Variants in AKAP13 observed in about 807,000 individuals in gnomAD.
AKAP13 encodes A-kinase anchoring protein 13.
In AKAP13, 80 loss-of-function variants were observed where a neutral mutation model predicts 264.5. That is an observed-to-expected ratio of 0.30 (90% CI 0.25 to 0.36). AKAP13 has a LOEUF of 0.36. Ranked by LOEUF, AKAP13 falls within the 10% of genes least tolerant of loss-of-function variation. AKAP13 has a pLI of 1.00. For synonymous variants in AKAP13, 1,380 were observed against 1,250.2 expected (o/e 1.10, Z -2.19); for missense variants, 3,712 against 3,435.2 (o/e 1.08, Z -2.01).
intron 1 of AKAP13, among the ~76,000 whole-genome samples, chr15:85,479,053 A>T (rs2075272463): frequency 6.6e-6 from 1 of 152,230 alleles, no homozygotes; most frequent in Non-Finnish European, 1.5e-5. Flanking sequence ...TAAAGCATTC[A>T]TGAGGGTCTT....
intron 11 of AKAP13, among the ~76,000 whole-genome samples, chr15:85,656,912 T>TA (rs2083124692): frequency 6.6e-6 from 1 of 152,144 alleles, no homozygotes; most frequent in African/African-American, 2.4e-5. Context: ...ACAGTTGTTT[T>TA]AAAACAATTG....
chr15:85,439,103 A>G (rs1315812793), intron 1 of AKAP13, among the ~76,000 whole-genome samples: 3 of 152,024 alleles, frequency 2.0e-5, no homozygotes, highest in Non-Finnish European at 4.4e-5. Flanking sequence ...ATCTACAATG[A>G]ACTCAAACAA....
At chr15:85,535,625 T>C (rs2077364841) in intron 4 of AKAP13, 1 of 152,200 alleles carries the variant, frequency 6.6e-6, no homozygotes, top group Non-Finnish European at 1.5e-5. Context: ...CAAATCAGTG[T>C]CAAGATAGTA....
rs2089337337 is a variant in AKAP13 at position 85,745,318 on chromosome 15, G to A, written c.*641G>A. The A allele has an allele frequency of 1.3e-5, 2 of 152,018 alleles. No individual in the cohort carries two copies. The highest frequency in any genetic ancestry group is 4.8e-5 in the African/African-American group (2 of 41,366). 9.4% of individuals were successfully genotyped at this position (152,018 alleles called of 1,614,324 possible). ...TGCATGTATTTCTCATTTCATTTTA[G>A]GGATGACAAACATTTGTGAAACCAG... On this transcript the variant is annotated 3_prime_UTR_variant, in exon 37 of 37. Coordinates refer to ENST00000394518, the MANE Select transcript of AKAP13 (RefSeq NM_007200.5).
chr15:85,491,106 A>G (rs1415314019), intron 2 of AKAP13, among the ~76,000 whole-genome samples: 5 of 152,122 alleles, frequency 3.3e-5, no homozygotes, highest in Non-Finnish European at 5.9e-5. Context: ...AAGGGGTCCA[A>G]TCTCTTCTGC....
chr15:85,616,576 G>A lies in AKAP13; in HGVS notation c.4162-22798G>A, dbSNP rs150913819. Among the ~76,000 whole-genome samples the A allele has an allele frequency of 1.9e-3, 290 of 152,286 alleles. 3 individuals carry two copies. Among genetic ancestry groups the A allele is most frequent in the African/African-American group, 6.5e-3 (270 of 41,564 alleles). ...TAATACTGTAAGTAACTACTGTTAA[G>A]TAGTATGGCTGTAAATAATAAAATA... On this transcript the variant is annotated intron_variant, in intron 8 of 36. Coordinates refer to ENST00000394518, the MANE Select transcript of AKAP13 (RefSeq NM_007200.5).
At chr15:85,455,460 C>T (rs1288121080) in intron 1 of AKAP13, among the ~76,000 whole-genome samples, 1 of 152,118 alleles carries the variant, frequency 6.6e-6, no homozygotes, top group African/African-American at 2.4e-5. Context: ...GAAGCACAGA[C>T]AAAAGCATGA....
At chr15:85,417,498 A>G (rs2072296905) in intron 1 of AKAP13, among the ~76,000 whole-genome samples, 1 of 152,250 alleles carries the variant, frequency 6.6e-6, no homozygotes, top group Admixed American at 6.5e-5. Flanking sequence ...TGTAGAGTCA[A>G]GTTAATCAGT....
At chr15:85,721,675 C>A (rs2087293213) in intron 23 of AKAP13, among the ~76,000 whole-genome samples, 1 of 152,190 alleles carries the variant, frequency 6.6e-6, no homozygotes, top group Admixed American at 6.5e-5. Flanking sequence ...CTGTTTATGA[C>A]AAATAGAAGT....
chr15:85,434,186 T>A (rs1214221980), intron 1 of AKAP13, among the ~76,000 whole-genome samples: 1 of 151,916 alleles, frequency 6.6e-6, no homozygotes, highest in African/African-American at 2.4e-5. Flanking sequence ...GGAGTTCCCT[T>A]TCCGAGTCAA....
At chr15:85,438,118 G>C (rs2073413999) in intron 1 of AKAP13, among the ~76,000 whole-genome samples, 1 of 146,796 alleles carries the variant, frequency 6.8e-6, no homozygotes, top group Non-Finnish European at 1.5e-5. Flanking sequence ...CTTCAGCAAA[G>C]TCTCAGGATA....
At chr15:85,691,970 A>G in intron 16 of AKAP13, 1 of 445,768 alleles carries the variant, frequency 2.2e-6, no homozygotes, top group Non-Finnish European at 4.5e-6. Flanking sequence ...GTGAGCTACT[A>G]AGCCTTGGGA....
At chr15:85,566,085 G>A (rs2078595764) in intron 5 of AKAP13, among the ~76,000 whole-genome samples, 1 of 152,172 alleles carries the variant, frequency 6.6e-6, no homozygotes, top group South Asian at 2.1e-4. Flanking sequence ...TGGAACTAAT[G>A]GTTCATGTGA....
chr15:85,473,349 C>A (rs2075036117), intron 1 of AKAP13, among the ~76,000 whole-genome samples: 2 of 152,122 alleles, frequency 1.3e-5, no homozygotes, highest in Admixed American at 1.3e-4. Context: ...AGATGTAAAC[C>A]ACGCAAACAA....
intron 9 of AKAP13, among the ~76,000 whole-genome samples, chr15:85,645,082 CG>C (rs2082493066): frequency 6.6e-6 from 1 of 152,122 alleles, no homozygotes; most frequent in African/African-American, 2.4e-5. Context: ...ATCATGTCAC[CG>C]TAGTACAGCC....
intron 5 of AKAP13, among the ~76,000 whole-genome samples, chr15:85,544,356 G>C (rs914343526): frequency 5.3e-5 from 8 of 152,198 alleles, no homozygotes; most frequent in Non-Finnish European, 1.0e-4. Context: ...TTTAAGACTT[G>C]AAAGAGTTAA....
intron 1 of AKAP13, among the ~76,000 whole-genome samples, chr15:85,483,637 A>ACAAAAAC (rs1555434063): frequency 0.039 from 5,240 of 132,876 alleles, 250 homozygotes; most frequent in African/African-American, 0.11. Context: ...CGTCTCAAAA[A>ACAAAAAC]AAAAAAAAAA....
chr15:85,397,131 A>T (rs2071157615), intron 1 of AKAP13, among the ~76,000 whole-genome samples: 1 of 149,204 alleles, frequency 6.7e-6, no homozygotes, highest in African/African-American at 2.5e-5. Flanking sequence ...ATACCTCCAT[A>T]AATCTTGTAT....
At chr15:85,478,337 T>G (rs969119467) in intron 1 of AKAP13, among the ~76,000 whole-genome samples, 1 of 125,608 alleles carries the variant, frequency 8.0e-6, no homozygotes, top group African/African-American at 2.8e-5. Flanking sequence ...TAGTGTACTC[T>G]CCTACACAAC....
Sources: gnomAD v4.1 joint callset for allele counts (sites outside exome capture counted in the v4.1 genomes callset) on GRCh38, gnomAD v4.1.1 for gene constraint, MANE v1.5 for transcripts, NCBI Gene and HGNC (gene_info 2026-07-23, HGNC 2026-07-21) for gene names.